KIF15: variants seen among roughly 807,000 people sequenced by gnomAD.
KIF15 encodes kinesin family member 15, also known as kinesin-like protein KIF15.
Under a neutral mutation model 190.6 loss-of-function variants are expected in KIF15, and 140 were observed. That is an observed-to-expected ratio of 0.73 (90% CI 0.64 to 0.84). KIF15 has a LOEUF of 0.84. KIF15 is among the 40% of genes least tolerant of loss of function. KIF15 has a pLI of 0.00. For missense variants in KIF15, 1,372 were observed against 1,584.4 expected (o/e 0.87, Z 2.28); for synonymous variants, 528 against 551.3 (o/e 0.96, Z 0.59).
chr3:44,843,139 A>G lies in KIF15; in HGVS notation c.3600A>G (p.Glu1200=). 1 of 1,612,252 alleles carries G rather than the reference A, an allele frequency of 6.2e-7. No individual in the cohort carries two copies. The highest frequency in any genetic ancestry group is 1.1e-5 in the South Asian group (1 of 90,826). Residue 1200 remains glutamate, a synonymous_variant, in exon 30 of 35, where the codon GAA becomes GAG. Coordinates refer to ENST00000326047, the MANE Select transcript of KIF15 (RefSeq NM_020242.3). ...EILRMKEQLR[E]MENLRLESQQ... The stretch of plus-strand genomic sequence containing the variant: ...GATGTTATTAGGAGCAGTTGCGTGA[A>G]ATGGAAAACCTACGCCTGGAAAGTC...
chr3:44,860,854 T>C (rs1699234584), intron 6 of KIF15, among the ~76,000 whole-genome samples: 1 of 152,226 alleles, frequency 6.6e-6, no homozygotes, highest in South Asian at 2.1e-4. Context: ...TTTTTTAACA[T>C]TTTAACTATA....
At chr3:44,774,147 T>C (rs1482115022) in intron 1 of KIF15, among the ~76,000 whole-genome samples, 2 of 152,176 alleles carry the variant, frequency 1.3e-5, no homozygotes, top group Admixed American at 1.3e-4. Context: ...GCAAGCCCCC[T>C]GTGCACAATG....
intron 1 of KIF15, among the ~76,000 whole-genome samples, chr3:44,771,494 CA>C (rs1479923609): frequency 5.3e-5 from 8 of 152,284 alleles, no homozygotes; most frequent in African/African-American, 1.4e-4. Flanking sequence ...CTGGATGTGT[CA>C]GGGGCCCTCT....
At chr3:44,821,021 GC>G (rs1419976217) in intron 20 of KIF15, among the ~76,000 whole-genome samples, 42 of 3,912 alleles carry the variant, frequency 0.011, no homozygotes, top group Admixed American at 0.019. Context: ...GGCTGGCCGG[GC>G]GGGGGGGCTG....
rs560478066 is a variant in KIF15 at position 44,796,653 on chromosome 3, G to A, written c.850-898G>A. 2.8e-4 allele frequency among the ~76,000 whole-genome samples: 43 copies of A among 152,046 alleles called. 1 individual carries two copies. Among genetic ancestry groups the A allele is most frequent in the South Asian group, 2.7e-3 (13 of 4,824 alleles). ...ATAATTTTGACTTTTTCTCTTTTTT[G>A]TATACTCCTTCCACTGCAGACCCAG... On this transcript the variant is annotated intron_variant, in intron 8 of 34. Coordinates refer to ENST00000326047, the MANE Select transcript of KIF15 (RefSeq NM_020242.3).
At chr3:44,861,867 C>A in intron 6 of KIF15, 1 of 1,480,272 alleles carries the variant, frequency 6.8e-7, no homozygotes, top group Non-Finnish European at 9.0e-7. Context: ...GCCATCCAAT[C>A]GCGGCGCGCG....
chr3:44,807,018 A>G (rs1426412549), intron 16 of KIF15, among the ~76,000 whole-genome samples: 1 of 152,090 alleles, frequency 6.6e-6, no homozygotes, highest in Non-Finnish European at 1.5e-5. Flanking sequence ...TGCTAGGATT[A>G]CAGGCAAGAG....
Position 44,828,099 on chromosome 3 carries a change from T to TC in KIF15, c.2857-115_2857-114insC, listed in dbSNP as rs1697774681. On this transcript the variant is annotated intron_variant, in intron 23 of 34. Coordinates refer to ENST00000326047, the MANE Select transcript of KIF15 (RefSeq NM_020242.3). The stretch of plus-strand genomic sequence containing the variant: ...CAACCCAATTTATCATTTTCAAGTA[T>TC]TACTCCTAGCATAGACTCTATAATA... The TC allele has an allele frequency of 7.6e-6, 5 of 661,678 alleles. No homozygotes were observed. In the East Asian group the frequency reaches 1.4e-4, roughly 19 times the overall value. The allele number at this position is 661,678 out of a possible 1,614,324, so 41.0% of individuals were successfully genotyped here. A position where few individuals can be genotyped will look rare whatever the true frequency, so the allele number is the denominator to read the frequency against.
At chr3:44,854,268 C>G (rs760994835), downstream of KIF15, among the ~76,000 whole-genome samples, 3 of 151,826 alleles carry the variant, frequency 2.0e-5, no homozygotes, top group Non-Finnish European at 4.4e-5. Context: ...GCCTGTAATC[C>G]CAGCTACTCG....
At chr3:44,861,841 C>T (rs904438578) in intron 6 of KIF15, 2 of 1,385,652 alleles carry the variant, frequency 1.4e-6, no homozygotes, top group Non-Finnish European at 1.9e-6. Context: ...ACAGGAGCGT[C>T]GCGTCACGTG....
At chr3:44,794,005 C>T (rs1251071156) in intron 7 of KIF15, among the ~76,000 whole-genome samples, 1 of 151,756 alleles carries the variant, frequency 6.6e-6, no homozygotes, top group African/African-American at 2.4e-5. Flanking sequence ...CTCAGCCTCC[C>T]GAGTAGCTAG....
intron 26 of KIF15, among the ~76,000 whole-genome samples, chr3:44,832,925 A>G (rs1211390829): frequency 2.0e-5 from 3 of 150,738 alleles, no homozygotes; most frequent in African/African-American, 7.4e-5. Context: ...CAAGGCAGGA[A>G]AATGGTTGCA....
At chr3:44,865,516 C>G in intron 6 of KIF15, 1 of 271,458 alleles carries the variant, frequency 3.7e-6, no homozygotes, top group Non-Finnish European at 7.2e-6. Flanking sequence ...TGTTGCCAAA[C>G]AAAAGCCAGT....
In KIF15 at chr3:44,797,614, G is replaced by C. The variant is rs766745002; in HGVS notation, c.913G>C (p.Val305Leu). Residue 305 changes from valine to leucine, a missense_variant, in exon 9 of 35, where the codon GTG (valine) becomes CTG (leucine). Coordinates refer to ENST00000326047, the MANE Select transcript of KIF15 (RefSeq NM_020242.3). ...LGQVITALVD[V>L]GNGKQRHVCY... ...CCAAGTGATTACAGCACTTGTCGACGTGGGTAATGGAAAACAGAGACATGT... is the reference window on the plus strand; with the variant it reads ...CCAAGTGATTACAGCACTTGTCGACCTGGGTAATGGAAAACAGAGACATGT... 6.2e-7 allele frequency: 1 copy of C among 1,613,942 alleles called. No homozygotes were observed. The highest frequency in any genetic ancestry group is 8.5e-7 in the Non-Finnish European group (1 of 1,179,956).
intron 19 of KIF15, 29 bp downstream of exon 19, chr3:44,813,209 C>T: frequency 8.0e-7 from 1 of 1,255,584 alleles, no homozygotes; most frequent in Non-Finnish European, 1.1e-6. Context: ...AGCTTTGTGA[C>T]TTGAAGGAAT....
intron 13 of KIF15, among the ~76,000 whole-genome samples, 197 bp from the exon 14 acceptor site, chr3:44,802,617 A>G (rs1575613412): frequency 4.6e-5 from 7 of 152,270 alleles, no homozygotes; most frequent in Admixed American, 6.5e-5. Flanking sequence ...CTAGACTCCA[A>G]CTGAGAATAG....
chr3:44,780,192 A>G (rs1163389211), intron 4 of KIF15, among the ~76,000 whole-genome samples: 1 of 150,826 alleles, frequency 6.6e-6, no homozygotes, highest in Non-Finnish European at 1.5e-5. Flanking sequence ...GGCTCAAGCC[A>G]TCTTTCTACT....
intron 27 of KIF15, 43 bp downstream of exon 27, chr3:44,838,464 C>G (rs556201319): frequency 6.3e-7 from 1 of 1,583,194 alleles, no homozygotes; most frequent in South Asian, 1.2e-5. Flanking sequence ...AGACAAGAGA[C>G]CAAGTGTAGT....
chr3:44,864,049 G>A, intron 6 of KIF15: 1 of 848,602 alleles, frequency 1.2e-6, no homozygotes, highest in Non-Finnish European at 1.9e-6. Context: ...GTGAAGCCCT[G>A]TGCAGGAAAG....
Sources: allele counts gnomAD v4.1 joint callset (sites outside exome capture counted in the v4.1 genomes callset), GRCh38; gene constraint gnomAD v4.1.1; transcripts MANE v1.5; gene names NCBI Gene and HGNC (gene_info 2026-07-23, HGNC 2026-07-21).